CRADD: variants seen among roughly 807,000 people sequenced by gnomAD.
The protein encoded by CRADD is death domain-containing protein CRADD.
CRADD carries 9 observed loss-of-function variants against 15.5 expected under a neutral mutation model. That is an observed-to-expected ratio of 0.58 (90% CI 0.35 to 1.01). The LOEUF is 1.01. Ranked by LOEUF, CRADD falls within the 50% of genes least tolerant of loss-of-function variation. The pLI is 0.02. For synonymous variants in CRADD, 118 were observed against 107.6 expected, an observed-to-expected ratio of 1.10 and a Z score of -0.60; for missense variants, 227 against 250.3, an observed-to-expected ratio of 0.91 and a Z score of 0.63.
downstream of CRADD, among the ~76,000 whole-genome samples, chr12:93,851,022 T>C (rs1388109479): frequency 3.3e-5 from 5 of 152,192 alleles, no homozygotes; most frequent in Non-Finnish European, 7.3e-5. Flanking sequence ...GAAAATCCTG[T>C]GCTGTTTATT....
intron 2 of CRADD, among the ~76,000 whole-genome samples, chr12:93,892,853 T>C (rs1401075129): frequency 6.6e-6 from 1 of 152,226 alleles, no homozygotes; most frequent in Non-Finnish European, 1.5e-5. Flanking sequence ...ATCAAGGTTT[T>C]TCCTAGAAAA....
chr12:93,772,717 T>G (rs766065601), intron 2 of CRADD, among the ~76,000 whole-genome samples: 9 of 152,234 alleles, frequency 5.9e-5, no homozygotes, highest in Non-Finnish European at 7.3e-5. Context: ...AGTAGGAGCT[T>G]TTATCTTCTA....
chr12:93,737,815 T>C (rs937925285), intron 2 of CRADD: 5 of 154,888 alleles, frequency 3.2e-5, no homozygotes, highest in Non-Finnish European at 7.1e-5. Context: ...GTAGTCAGTT[T>C]ATAGTTCTAA....
At chr12:93,788,753 A>G (rs1592991536) in intron 2 of CRADD, among the ~76,000 whole-genome samples, 1 of 152,256 alleles carries the variant, frequency 6.6e-6, no homozygotes, top group East Asian at 1.9e-4. Context: ...TCTCTTTAGC[A>G]GTCTCCTGAC....
chr12:93,832,024 T>C (rs563495628), intron 2 of CRADD, among the ~76,000 whole-genome samples: 2 of 152,172 alleles, frequency 1.3e-5, no homozygotes, highest in Non-Finnish European at 2.9e-5. Context: ...AACAGCATTA[T>C]AGCCAGGTTG....
intron 2 of CRADD, among the ~76,000 whole-genome samples, chr12:93,810,551 C>CAAA (rs56689824): frequency 1.8e-4 from 7 of 39,066 alleles, no homozygotes; most frequent in Admixed American, 4.4e-4. Flanking sequence ...AAATCAGTCT[C>CAAA]AAAAAAAAAA....
At chr12:93,785,341 C>T (rs922423637) in intron 2 of CRADD, among the ~76,000 whole-genome samples, 2 of 152,034 alleles carry the variant, frequency 1.3e-5, no homozygotes, top group African/African-American at 4.8e-5. Context: ...GACGAACATC[C>T]GAAATGAAAA....
intron 2 of CRADD, among the ~76,000 whole-genome samples, chr12:93,696,245 G>C (rs1318979178): frequency 6.6e-6 from 1 of 152,144 alleles, no homozygotes; most frequent in African/African-American, 2.4e-5. Context: ...TATATATCCA[G>C]AAGAAGTGGA....
chr12:93,710,856 T>C (rs1469156125), intron 2 of CRADD, among the ~76,000 whole-genome samples: 1 of 152,110 alleles, frequency 6.6e-6, no homozygotes, highest in Non-Finnish European at 1.5e-5. Flanking sequence ...TGCTTAGATA[T>C]TTGTTAGCAT....
chr12:93,739,887 C>T (rs1956642324), intron 2 of CRADD, among the ~76,000 whole-genome samples: 1 of 152,084 alleles, frequency 6.6e-6, no homozygotes, highest in South Asian at 2.1e-4. Flanking sequence ...TGTAAATATG[C>T]CTCCCATTTT....
intron 2 of CRADD, among the ~76,000 whole-genome samples, chr12:93,756,873 C>T (rs1956896460): frequency 6.6e-6 from 1 of 152,208 alleles, no homozygotes; most frequent in South Asian, 2.1e-4. Context: ...ATCTCTCATT[C>T]TCCTGGCACA....
rs745949633 is a variant in CRADD at position 93,679,025 on chromosome 12, A to G, written c.251A>G (p.Glu84Gly). ...DSLQEFPWVR[E>G]KLKKAREEAM... ...CTACAGGAGTTTCCCTGGGTCAGGGAGAAGCTGAAGAAGGCAAGGGAAGAG... is the reference window on the plus strand; with the variant it reads ...CTACAGGAGTTTCCCTGGGTCAGGGGGAAGCTGAAGAAGGCAAGGGAAGAG... The change falls in exon 2 of 3, where the codon GAG (glutamate) becomes GGG (glycine). Residue 84 changes from glutamate to glycine, a missense_variant. By Grantham distance (98) the Glu-to-Gly change is moderately conservative. Transcript: ENST00000332896. The G allele has an allele frequency of 1.2e-6, 2 of 1,614,152 alleles. No individual in the cohort carries two copies. The highest frequency in any genetic ancestry group is 2.2e-5 in the South Asian group (2 of 91,086).
intron 2 of CRADD, among the ~76,000 whole-genome samples, chr12:93,752,733 G>A (rs762763279): frequency 3.4e-4 from 51 of 152,234 alleles, no homozygotes; most frequent in Non-Finnish European, 5.4e-4. Flanking sequence ...TGGCAGGGGG[G>A]GCCTCATAAT....
intron 2 of CRADD, among the ~76,000 whole-genome samples, chr12:93,747,445 T>C (rs1456640092): frequency 6.6e-6 from 1 of 151,954 alleles, no homozygotes. Flanking sequence ...CTTTTTTTCC[T>C]TCCTCTTAAT....
chr12:93,863,698 G>A (rs1015552105), intron 2 of CRADD, among the ~76,000 whole-genome samples: 1 of 150,390 alleles, frequency 6.6e-6, no homozygotes, highest in Admixed American at 6.6e-5. Flanking sequence ...GCCATGTGAT[G>A]GGCAGGGGCT....
At chr12:93,772,371 G>A (rs1957093682) in intron 2 of CRADD, among the ~76,000 whole-genome samples, 1 of 152,138 alleles carries the variant, frequency 6.6e-6, no homozygotes, top group Admixed American at 6.5e-5. Context: ...TACAAAAGAG[G>A]CAATATGAAT....
intron 2 of CRADD, among the ~76,000 whole-genome samples, chr12:93,822,030 A>C (rs1957774773): frequency 6.6e-6 from 1 of 151,722 alleles, no homozygotes; most frequent in South Asian, 2.1e-4. Flanking sequence ...AGGCACGAGA[A>C]TTGCTTGAGC....
At chr12:93,838,586 G>A (rs369081093) in intron 2 of CRADD, among the ~76,000 whole-genome samples, 209 of 134,300 alleles carry the variant, frequency 1.6e-3, no homozygotes, top group African/African-American at 5.7e-3. Context: ...TTTCCTTTGC[G>A]CTCATCAGTT....
At chr12:93,727,901 C>T (rs1956397547) in intron 2 of CRADD, among the ~76,000 whole-genome samples, 1 of 152,142 alleles carries the variant, frequency 6.6e-6, no homozygotes, top group Non-Finnish European at 1.5e-5. Context: ...TGGGACCCAC[C>T]CCAAGAGTCA....
Sources: gnomAD v4.1 joint callset for allele counts (sites outside exome capture counted in the v4.1 genomes callset) on GRCh38, gnomAD v4.1.1 for gene constraint, MANE v1.5 for transcripts, NCBI Gene and HGNC (gene_info 2026-07-23, HGNC 2026-07-21) for gene names.